EOLA1: variants seen among roughly 807,000 people sequenced by gnomAD.
The protein encoded by EOLA1 is protein EOLA1.
EOLA1 carries 1 observed loss-of-function variant against 4.5 expected under a neutral mutation model. The ratio of observed to expected loss-of-function variants is 0.22; its 90% CI spans 0.08 to 1.05. The LOEUF (loss-of-function observed/expected upper bound fraction) is 1.05. Ranked by LOEUF, EOLA1 falls within the 50% of genes least tolerant of loss-of-function variation. EOLA1 has a pLI of 0.57. For synonymous variants in EOLA1, 37 were observed against 52.3 expected (o/e 0.71, Z 1.26); for missense variants, 69 against 127.2 (o/e 0.54, Z 2.20).
downstream of EOLA1, chrX:149,549,449 G>A (rs1353291553): frequency 9.5e-6 from 11 of 1,162,693 alleles, no homozygotes; most frequent in South Asian, 1.9e-5. Flanking sequence ...AATGAAACTC[G>A]TCAAGCTGTC....
In EOLA1 at chrX:149,546,839, G is replaced by C. The variant is rs2089857682; in HGVS notation, c.354G>C (p.Gln118His). The C allele has an allele frequency of 7.4e-6, 9 of 1,211,206 alleles. No homozygotes were observed. The highest frequency in any genetic ancestry group is 7.8e-6 in the Non-Finnish European group (7 of 895,360). Reference protein sequence around the residue: ...ENQAVLTNLKQKYLTVISNPR... With the variant: ...ENQAVLTNLKHKYLTVISNPR... ...AAGCTGTACTGACCAACCTGAAGCAGAAGTACCTGACTGTGATTTCAAACC... is the reference window on the plus strand; with the variant it reads ...AAGCTGTACTGACCAACCTGAAGCACAAGTACCTGACTGTGATTTCAAACC... The change falls in exon 5 of 5, where the codon CAG becomes CAC. Residue 118 changes from glutamine to histidine, a missense_variant. Physicochemically the swap from Gln to His is conservative, Grantham distance 24. Coordinates refer to ENST00000393985, the MANE Select transcript of EOLA1 (RefSeq NM_001171907.3).
At chrX:149,545,339 C>T in intron 2 of EOLA1, 29 bp from the exon 3 acceptor site, 1 of 1,029,798 alleles carries the variant, frequency 9.7e-7, no homozygotes, top group East Asian at 3.8e-5. Flanking sequence ...GCACTGACCA[C>T]ATGGTATCCT....
chrX:149,545,091 G>C (rs1329564016), intron 2 of EOLA1: 1 of 663,745 alleles, frequency 1.5e-6, no homozygotes, highest in East Asian at 1.6e-4. Flanking sequence ...GGATATCAAC[G>C]ATGTGGGCTC....
rs1557347647 is a variant in EOLA1, at chrX:149,545,775, G to A, written c.145G>A (p.Glu49Lys). The A allele has an allele frequency of 1.6e-6, 2 of 1,212,186 alleles. No individual in the cohort carries two copies. Residue 49 changes from glutamate (E) to lysine (K), a missense_variant, in exon 4 of 5, where the codon GAA (glutamate) becomes AAA (lysine). Transcript: ENST00000393985. ...IAVHIAHRDW[E>K]GDAWRELLVE... ...CGTCCACATTGCTCACAGGGACTGG[G>A]AAGGCGATGCCTGGCGGGAGCTGCT...
chrX:149,541,985 A>T, intron 1 of EOLA1, 34 bp from the exon 2 acceptor site: 1 of 723,967 alleles, frequency 1.4e-6, no homozygotes, highest in African/African-American at 2.3e-5. Flanking sequence ...CTTGCACTTA[A>T]TGACCTTTCC....
rs2089738960 is a variant in EOLA1, at chrX:149,542,007, CTTG to C, written c.-229-7_-229-5del. ...TTAATGACCTTTCCTCTTTATCTTC[CTTG>C]TTGTGCAGGTAAAGAAGCTAAGTGG... On this transcript the variant is annotated splice_polypyrimidine_tract_variant and intron_variant, in intron 1 of 4. Coordinates refer to ENST00000393985, the MANE Select transcript of EOLA1 (RefSeq NM_001171907.3). 1.3e-6 allele frequency: 1 copy of C among 748,055 alleles called. No individual in the cohort carries two copies. The highest frequency in any genetic ancestry group is 1.6e-6 in the Non-Finnish European group (1 of 632,861). 61.6% of individuals were successfully genotyped at this position (748,055 alleles called of 1,213,427 possible).
chrX:149,544,890 T>G (rs571428), intron 2 of EOLA1: 64 of 751,934 alleles, frequency 8.5e-5, no homozygotes, highest in Middle Eastern at 7.6e-4. Flanking sequence ...GGCATGTGTG[T>G]GGGGTTGCTA....
chrX:149,545,381 A>G lies in EOLA1; in HGVS notation c.-149A>G, dbSNP rs1481378397. On this transcript the variant is annotated 5_prime_UTR_variant, in exon 3 of 5. Coordinates refer to ENST00000393985, the MANE Select transcript of EOLA1 (RefSeq NM_001171907.3). ...GCCTTCCTCTAGCTGTCCCCGCCCT[A>G]CTCCGGACCGCCCCAAAGACTCCAT... 5.0e-5 allele frequency: 53 copies of G among 1,064,005 alleles called. No individual in the cohort carries two copies. The highest frequency in any genetic ancestry group is 6.2e-5 in the Non-Finnish European group (51 of 827,375). The allele number at this position is 1,064,005 out of a possible 1,213,427, so 87.7% of individuals were successfully genotyped here.
intron 2 of EOLA1, chrX:149,544,549 C>T: frequency 1.3e-6 from 1 of 751,640 alleles, no homozygotes; most frequent in Non-Finnish European, 1.6e-6. Context: ...GCTGGGTGCT[C>T]TTGGTGCCTT....
chrX:149,541,523 C>G (rs2089728578), intron 1 of EOLA1, 180 bp downstream of exon 1: 1 of 113,246 alleles, frequency 8.8e-6, no homozygotes, highest in African/African-American at 3.2e-5. Flanking sequence ...ACACAGCGGC[C>G]CCACCTCAGT....
chrX:149,544,659 G>T (rs1414291585), intron 2 of EOLA1: 2 of 751,543 alleles, frequency 2.7e-6, no homozygotes, highest in Non-Finnish European at 3.1e-6. Flanking sequence ...CCAAGGCACA[G>T]GGCCGTCCTC....
At position 149,545,511 on chromosome X, in the gene EOLA1, T is replaced by A; in HGVS notation, c.-30+11T>A. ...CAGGAGACCATCAAGGTCAGTGCGA[T>A]TTAGGCCACCTGAGAGACACGGGGG... On this transcript the variant is annotated intron_variant, in intron 3 of 4. Coordinates refer to ENST00000393985, the MANE Select transcript of EOLA1 (RefSeq NM_001171907.3). 8.7e-7 allele frequency: 1 copy of A among 1,145,015 alleles called. No homozygotes were observed. Among genetic ancestry groups the A allele is most frequent in the Non-Finnish European group, 1.2e-6 (1 of 860,830 alleles). 94.4% of individuals were successfully genotyped at this position (1,145,015 alleles called of 1,213,427 possible).
chrX:149,545,895 T>C lies in EOLA1; in HGVS notation c.253+12T>C, dbSNP rs1557347727. 30 of 1,200,321 alleles carry C rather than the reference T, an allele frequency of 2.5e-5. No individual in the cohort carries two copies. The highest frequency in any genetic ancestry group is 3.3e-5 in the Non-Finnish European group (29 of 886,834). ...AGGAGTGATAGCGGGTAAGTGACAA[T>C]GTACCAAATGCGCAGACAACGCCTA... On this transcript the variant is annotated intron_variant, in intron 4 of 4. Coordinates refer to ENST00000393985, the MANE Select transcript of EOLA1 (RefSeq NM_001171907.3).
chrX:149,547,612 A>C lies in EOLA1; in HGVS notation c.*650A>C. The C allele has an allele frequency of 5.1e-6, 1 of 195,187 alleles. No individual in the cohort carries two copies. The highest frequency in any genetic ancestry group is 7.5e-6 in the Non-Finnish European group (1 of 133,651). 16.1% of individuals were successfully genotyped at this position (195,187 alleles called of 1,213,427 possible). A position where few individuals can be genotyped will look rare whatever the true frequency, so the allele number is the denominator to read the frequency against. On this transcript the variant is annotated 3_prime_UTR_variant, in exon 5 of 5. Coordinates refer to ENST00000393985, the MANE Select transcript of EOLA1 (RefSeq NM_001171907.3). ...TTCCTATCCTAGCAATACATCCAAA[A>C]TACAGCTCTAGTAGAGTGAGGTTAA...
chrX:149,543,478 G>A, intron 2 of EOLA1, among the ~76,000 whole-genome samples: 1 of 44,984 alleles, frequency 2.2e-5, no homozygotes, highest in East Asian at 4.6e-4. Context: ...CAAGAGTGCA[G>A]AGGACAAGTG....
chrX:149,546,962 A>T lies in EOLA1; in HGVS notation c.477A>T (p.Ter159CysextTer17). The change falls in exon 5 of 5, where the codon TGA becomes TGT. Residue 159 changes from the stop codon to cysteine, a stop_lost. Coordinates refer to ENST00000393985, the MANE Select transcript of EOLA1 (RefSeq NM_001171907.3). ...TGATCCCTTTGGGGCATGAAGTGTG[A>T]CAAGTGTGGGCTCCTGAAAGGAATG... ...EHLIPLGHEV[*>C] 2.5e-6 allele frequency: 3 copies of T among 1,204,483 alleles called. No homozygotes were observed. Among genetic ancestry groups the T allele is most frequent in the Non-Finnish European group, 2.2e-6 (2 of 892,409 alleles).
chrX:149,548,189 T>G lies in EOLA1; in HGVS notation c.*1227T>G. The G allele has an allele frequency of 1.0e-5, 4 of 392,073 alleles. No homozygotes were observed. Among genetic ancestry groups the G allele is most frequent in the Non-Finnish European group, 1.5e-5 (4 of 262,434 alleles). 32.3% of individuals were successfully genotyped at this position (392,073 alleles called of 1,213,427 possible). A position where few individuals can be genotyped will look rare whatever the true frequency, so the allele number is the denominator to read the frequency against. ...ATGAGATGTATATAATATACAAGGTTAAAAAAAACACAGACAACAGTTCTC... is the reference window on the plus strand; with the variant it reads ...ATGAGATGTATATAATATACAAGGTGAAAAAAAACACAGACAACAGTTCTC... On this transcript the variant is annotated 3_prime_UTR_variant, in exon 5 of 5. Coordinates refer to ENST00000393985, the MANE Select transcript of EOLA1 (RefSeq NM_001171907.3).
At position 149,546,916 on chromosome X, in the gene EOLA1, A is replaced by G; in HGVS notation, c.431A>G (p.Gln144Arg). The change falls in exon 5 of 5, where the codon CAG becomes CGG. Residue 144 changes from glutamine (Q) to arginine (R), a missense_variant. Coordinates refer to ENST00000393985, the MANE Select transcript of EOLA1 (RefSeq NM_001171907.3). ...IPRKGGKDVFQVDIPEHLIPL... is the reference protein window; with the variant it reads ...IPRKGGKDVFRVDIPEHLIPL... ...AGGAAAGGAGGCAAGGATGTATTCC[A>G]GGTAGACATCCCAGAGCACCTGATC... 1 of 1,208,731 alleles carries G rather than the reference A, an allele frequency of 8.3e-7. No individual in the cohort carries two copies. Among genetic ancestry groups the G allele is most frequent in the East Asian group, 3.0e-5 (1 of 33,730 alleles).
chrX:149,544,885 G>A lies in EOLA1; in HGVS notation c.-162-483G>A, dbSNP rs1323577102. 39 of 752,388 alleles carry A rather than the reference G, an allele frequency of 5.2e-5. No individual in the cohort carries two copies. Among genetic ancestry groups the A allele is most frequent in the East Asian group, 1.5e-4 (1 of 6,598 alleles). 62.0% of individuals were successfully genotyped at this position (752,388 alleles called of 1,213,427 possible). A position where few individuals can be genotyped will look rare whatever the true frequency, so the allele number is the denominator to read the frequency against. On this transcript the variant is annotated intron_variant, in intron 2 of 4. Coordinates refer to ENST00000393985, the MANE Select transcript of EOLA1 (RefSeq NM_001171907.3). ...CCAGAGGCTGGCACGTGGAAGGCAT[G>A]TGTGTGGGGTTGCTAGTTGTTCTGA... is the stretch of plus-strand genomic sequence containing the variant.
Sources: allele counts gnomAD v4.1 joint callset (sites outside exome capture counted in the v4.1 genomes callset), GRCh38; gene constraint gnomAD v4.1.1; transcripts MANE v1.5; gene names NCBI Gene and HGNC (gene_info 2026-07-23, HGNC 2026-07-21).